Variants in METTL24 observed in about 807,000 individuals in gnomAD.
The protein encoded by METTL24 is methyltransferase like 24, also known as probable methyltransferase-like protein 24.
METTL24 carries 29 observed loss-of-function variants against 32.7 expected under a neutral mutation model. The observed-to-expected ratio is 0.89, with a 90% CI of 0.66 to 1.21. METTL24 has a LOEUF of 1.21. Among genes scored for constraint, METTL24 ranks in the 50% most tolerant of loss-of-function variants. The pLI, the probability that METTL24 is intolerant of heterozygous loss-of-function variation, is 0.00. For missense variants in METTL24, 439 were observed against 468.1 expected, an observed-to-expected ratio of 0.94 and a Z score of 0.57; for synonymous variants, 163 against 179.5, an observed-to-expected ratio of 0.91 and a Z score of 0.73.
chr6:110,287,682 C>A (rs7754242), intron 4 of METTL24, among the ~76,000 whole-genome samples: 20,029 of 152,128 alleles, frequency 0.13, 3,039 homozygotes, highest in African/African-American at 0.37. Flanking sequence ...AGACTGTGCC[C>A]AAAGATAAGG....
At chr6:110,292,110 T>C (rs1373040747) in intron 4 of METTL24, among the ~76,000 whole-genome samples, 1 of 152,262 alleles carries the variant, frequency 6.6e-6, no homozygotes, top group African/African-American at 2.4e-5. Context: ...CATGAAAAGA[T>C]ATACAATTCT....
At chr6:110,288,639 C>T (rs1027433002) in intron 4 of METTL24, among the ~76,000 whole-genome samples, 3 of 151,936 alleles carry the variant, frequency 2.0e-5, no homozygotes, top group African/African-American at 7.3e-5. Flanking sequence ...ATAGGGAGAA[C>T]TATTTGAGAG....
At chr6:110,282,925 G>T (rs17071380) in intron 4 of METTL24, among the ~76,000 whole-genome samples, 16 of 151,954 alleles carry the variant, frequency 1.1e-4, no homozygotes, top group African/African-American at 3.6e-4. Flanking sequence ...TCTGATAAAC[G>T]GATTCTTTTT....
intron 1 of METTL24, among the ~76,000 whole-genome samples, chr6:110,355,259 A>T (rs543355600): frequency 3.3e-5 from 5 of 152,228 alleles, no homozygotes; most frequent in African/African-American, 1.2e-4. Context: ...GACCTGAGGA[A>T]TGTCCAAGGG....
chr6:110,252,071 G>A (rs986566546), intron 4 of METTL24, among the ~76,000 whole-genome samples: 1 of 152,148 alleles, frequency 6.6e-6, no homozygotes, highest in African/African-American at 2.4e-5. Context: ...TTGGACCTGG[G>A]GGGCAGAGGT....
chr6:110,246,007 T>G lies in METTL24; in HGVS notation c.1040A>C (p.Lys347Thr). 1 of 1,614,206 alleles carries G rather than the reference T, an allele frequency of 6.2e-7. No individual in the cohort carries two copies. Among genetic ancestry groups the G allele is most frequent in the South Asian group, 1.1e-5 (1 of 91,084 alleles). The stretch of plus-strand genomic sequence containing the variant: ...ACAGCTACTTGCATTGAAAATGTCT[T>G]TCTTCAAGAATAGCTGAGGTTTAGA... ...DLSKPQLFLKKDIFNASSCYT... is the reference protein window; with the variant it reads ...DLSKPQLFLKTDIFNASSCYT... Residue 347 changes from lysine (K) to threonine (T), a missense_variant, in exon 5 of 5, where the codon AAA becomes ACA. By Grantham distance (78) the Lys-to-Thr change is moderately conservative. Transcript: ENST00000338882.
Position 110,245,904 on chromosome 6 carries a change from T to A in METTL24, c.*42A>T. The A allele has an allele frequency of 6.5e-7, 1 of 1,537,944 alleles. No homozygotes were observed. Among genetic ancestry groups the A allele is most frequent in the Non-Finnish European group, 8.8e-7 (1 of 1,133,380 alleles). On this transcript the variant is annotated 3_prime_UTR_variant, in exon 5 of 5. Coordinates refer to ENST00000338882, the MANE Select transcript of METTL24 (RefSeq NM_001123364.3). ...TGATTAGAATTATGGACATGCTGCA[T>A]TCTGCAAATATTTTCTTGTGCTCTT...
chr6:110,325,829 C>G (rs567352563), intron 1 of METTL24, among the ~76,000 whole-genome samples: 1 of 152,178 alleles, frequency 6.6e-6, no homozygotes, highest in Non-Finnish European at 1.5e-5. Flanking sequence ...GTTTCCACCC[C>G]AGAAGAGGAG....
intron 3 of METTL24, among the ~76,000 whole-genome samples, chr6:110,304,567 T>A (rs57379486): frequency 0.15 from 22,697 of 151,982 alleles, 1,981 homozygotes; most frequent in African/African-American, 0.23. Context: ...AGAAAGGATA[T>A]CAGAGATTGA....
intron 4 of METTL24, among the ~76,000 whole-genome samples, chr6:110,298,200 A>G (rs1771455123): frequency 6.6e-6 from 1 of 152,348 alleles, no homozygotes; most frequent in East Asian, 1.9e-4. Context: ...AACCCAAGAA[A>G]GGCTGAAGAT....
Position 110,319,148 on chromosome 6 carries a change from A to C in METTL24, c.417+3626T>G, listed in dbSNP as rs1771882173. ...CTTAAAATTTTGGAACTTAAGAATC[A>C]CTTCAATGATCTGCGTGTTTACAGA... On this transcript the variant is annotated intron_variant, in intron 2 of 4. Transcript: ENST00000338882. Among the ~76,000 whole-genome samples the C allele has an allele frequency of 3.9e-5, 6 of 152,292 alleles. No homozygotes were observed. The South Asian group carries it at 1.0e-3, about 26-fold the overall frequency.
rs139583604 is a variant in METTL24 at position 110,309,936 on chromosome 6, T to C, written c.557+5406A>G. Among the ~76,000 whole-genome samples, 1,209 of 152,048 alleles carry C rather than the reference T, an allele frequency of 8.0e-3. 8 individuals carry two copies. Among genetic ancestry groups the C allele is most frequent in the Middle Eastern group, 0.017 (5 of 292 alleles). ...TCTTTTTATGTATGAAGCACAGATA[T>C]GCACGTATTACATAAATAGATGTAC... is the stretch of plus-strand genomic sequence containing the variant. On this transcript the variant is annotated intron_variant, in intron 3 of 4. Coordinates refer to ENST00000338882, the MANE Select transcript of METTL24 (RefSeq NM_001123364.3).
chr6:110,298,184 T>C (rs1007093006), intron 4 of METTL24, among the ~76,000 whole-genome samples: 6 of 152,184 alleles, frequency 3.9e-5, no homozygotes, highest in African/African-American at 1.2e-4. Flanking sequence ...CAGGCCAAAA[T>C]AGCCAAACCC....
rs549588132 is a variant in METTL24 at position 110,260,517 on chromosome 6, T to C, written c.787-14257A>G. Among the ~76,000 whole-genome samples, 3 of 152,206 alleles carry C rather than the reference T, an allele frequency of 2.0e-5. No homozygotes were observed. In the South Asian group the frequency reaches 6.2e-4, roughly 32 times the overall value. On this transcript the variant is annotated intron_variant, in intron 4 of 4. Transcript: ENST00000338882. ...GTGTACCTGAAAGTGACGGGGAGAATGCAACCAAGTTGGAAAACACTCTGC... is the reference window on the plus strand; with the variant it reads ...GTGTACCTGAAAGTGACGGGGAGAACGCAACCAAGTTGGAAAACACTCTGC...
At chr6:110,266,062 G>C (rs1331896994) in intron 4 of METTL24, among the ~76,000 whole-genome samples, 1 of 151,866 alleles carries the variant, frequency 6.6e-6, no homozygotes, top group Non-Finnish European at 1.5e-5. Context: ...CACCACACCA[G>C]GCTCTTTTTA....
At chr6:110,324,758 C>T (rs940400282) in intron 1 of METTL24, among the ~76,000 whole-genome samples, 1 of 152,232 alleles carries the variant, frequency 6.6e-6, no homozygotes, top group African/African-American at 2.4e-5. Context: ...CAGTTAATGC[C>T]TCCCACACCC....
Position 110,302,521 on chromosome 6 carries a change from A to ATG in METTL24, c.558-3373_558-3372dup, listed in dbSNP as rs1554214315. Among the ~76,000 whole-genome samples, 33 of 118,862 alleles carry ATG rather than the reference A, an allele frequency of 2.8e-4. 1 individual carries two copies. Among genetic ancestry groups the ATG allele is most frequent in the African/African-American group, 1.4e-3 (30 of 20,764 alleles). The allele number at this position is 118,862 out of a possible 152,430, so 78.0% of individuals were successfully genotyped here. ...TATATATACACATATACACACACAT[A>ATG]TGTGTATATATACACATATACACAC... On this transcript the variant is annotated intron_variant, in intron 3 of 4. Transcript: ENST00000338882.
intron 4 of METTL24, among the ~76,000 whole-genome samples, chr6:110,275,704 C>T (rs913511503): frequency 1.3e-5 from 2 of 152,170 alleles, no homozygotes; most frequent in African/African-American, 4.8e-5. Flanking sequence ...AAAGTGTTTA[C>T]AGAATACCTA....
chr6:110,299,504 T>C (rs1312591163), intron 3 of METTL24, among the ~76,000 whole-genome samples: 2 of 152,170 alleles, frequency 1.3e-5, no homozygotes, highest in South Asian at 2.1e-4. Context: ...TCCACAAATA[T>C]AAGCCCCAGG....
Sources: gnomAD v4.1 joint callset for allele counts (sites outside exome capture counted in the v4.1 genomes callset) on GRCh38, gnomAD v4.1.1 for gene constraint, MANE v1.5 for transcripts, NCBI Gene and HGNC (gene_info 2026-07-23, HGNC 2026-07-21) for gene names.